ZGRF1: variants seen among roughly 807,000 people sequenced by gnomAD.
ZGRF1 encodes the protein 5'-3' DNA helicase ZGRF1.
In ZGRF1, 196 loss-of-function variants were observed where a neutral mutation model predicts 203.5. That is an observed-to-expected ratio of 0.96 (90% confidence interval 0.86 to 1.08). The LOEUF (loss-of-function observed/expected upper bound fraction) is 1.08, where lower values mean the gene tolerates loss of function less well. Among genes scored for constraint, ZGRF1 ranks in the 50% least tolerant of loss-of-function variants. The pLI is 0.00. For synonymous variants in ZGRF1, 809 were observed against 841.3 expected, an observed-to-expected ratio of 0.96 and a Z score of 0.66; for missense variants, 2,326 against 2,416.3, an observed-to-expected ratio of 0.96 and a Z score of 0.78.
chr4:112,569,535 G>A (rs1471629522), intron 16 of ZGRF1, among the ~76,000 whole-genome samples: 1 of 152,052 alleles, frequency 6.6e-6, no homozygotes, highest in Non-Finnish European at 1.5e-5. Context: ...GGGCAGGGCG[G>A]GCAAGAGTAA....
intron 12 of ZGRF1, among the ~76,000 whole-genome samples, chr4:112,586,922 A>T (rs571071123): frequency 2.6e-5 from 4 of 152,330 alleles, no homozygotes; most frequent in Non-Finnish European, 5.9e-5. Flanking sequence ...ATTAACGTGA[A>T]ATAAGATGCA....
chr4:112,564,849 G>T (rs1742704919), intron 16 of ZGRF1: 4 of 590,616 alleles, frequency 6.8e-6, no homozygotes, highest in South Asian at 2.2e-5. Flanking sequence ...TCCTTCGAAG[G>T]TCACATTATA....
At chr4:112,585,111 T>A (rs922371430) in intron 14 of ZGRF1, among the ~76,000 whole-genome samples, 1 of 152,070 alleles carries the variant, frequency 6.6e-6, no homozygotes, top group African/African-American at 2.4e-5. Context: ...TACAGAAGTA[T>A]GTAAAATTTT....
At chr4:112,589,508 G>C (rs996140489) in intron 11 of ZGRF1, 3 of 544,842 alleles carry the variant, frequency 5.5e-6, no homozygotes, top group African/African-American at 3.8e-5. Flanking sequence ...AAGTTGGGAG[G>C]AGAAACAAGA....
chr4:112,567,986 G>C (rs181922710), intron 16 of ZGRF1, among the ~76,000 whole-genome samples: 145 of 152,030 alleles, frequency 9.5e-4, no homozygotes, highest in South Asian at 2.1e-3. Flanking sequence ...GAAATATTAG[G>C]TTGGAAAAAT....
At position 112,618,078 on chromosome 4, in the gene ZGRF1, TATA is replaced by T. The variant is rs2046944925; in HGVS notation, c.1961_1963del (p.Val654_Tyr655delinsAsp). 3 of 1,613,812 alleles carry T rather than the reference TATA, an allele frequency of 1.9e-6. No homozygotes were observed. Among genetic ancestry groups the T allele is most frequent in the Non-Finnish European group, 2.5e-6 (3 of 1,179,926 alleles). On this transcript the variant is annotated inframe_deletion, in exon 6 of 28. Transcript: ENST00000505019. Reference sequence around the variant, plus strand: ...ATTAGCATCTTCTTTATTATCTCCGTATACAGCATCAGTCCACTTGAAAGATTC... The same window carrying T: ...ATTAGCATCTTCTTTATTATCTCCGTCAGCATCAGTCCACTTGAAAGATTC...
In ZGRF1 at chr4:112,594,262, A is replaced by G. The variant is rs77445685; in HGVS notation, c.2977-4388T>C. Among the ~76,000 whole-genome samples, 1,679 of 152,286 alleles carry G rather than the reference A, an allele frequency of 0.011. 68 individuals are homozygous for G. The East Asian group carries it at 0.14, about 13-fold the overall frequency. On this transcript the variant is annotated intron_variant, in intron 10 of 27. Coordinates refer to ENST00000505019, the MANE Select transcript of ZGRF1 (RefSeq NM_018392.5). ...TCTTCTGACCCACAGAAGGTATTCA[A>G]TAGGTACTTTTGAATTCTTATTTAT...
intron 6 of ZGRF1, 63 bp downstream of exon 6, chr4:112,617,377 T>G: frequency 8.1e-7 from 1 of 1,232,424 alleles, no homozygotes; most frequent in African/African-American, 1.5e-5. Flanking sequence ...AGCTAATATC[T>G]TCTTTCTTTA....
At chr4:112,553,344 G>C (rs1740314357) in intron 22 of ZGRF1, among the ~76,000 whole-genome samples, 1 of 152,086 alleles carries the variant, frequency 6.6e-6, no homozygotes, top group Non-Finnish European at 1.5e-5. Flanking sequence ...GCTTAGTCTT[G>C]GCTTCCAATA....
chr4:112,588,483 T>C (rs1164300262), intron 11 of ZGRF1, among the ~76,000 whole-genome samples: 1 of 152,202 alleles, frequency 6.6e-6, no homozygotes, highest in South Asian at 2.1e-4. Flanking sequence ...AAAAAGATTT[T>C]AGCTTTATTT....
chr4:112,587,854 A>T lies in ZGRF1; in HGVS notation c.3203T>A (p.Leu1068His). 2 of 1,551,412 alleles carry T rather than the reference A, an allele frequency of 1.3e-6. No individual in the cohort carries two copies. Among genetic ancestry groups the T allele is most frequent in the Non-Finnish European group, 1.7e-6 (2 of 1,146,838 alleles). The part of the protein sequence containing the change: ...LSLLSRTQVP[L>H]ITLPRTDGPP... ...CCCATCAGTACGTGGCAAAGTAATA[A>T]GTGGAACCTGGGTTCTACTTAATAA... The change falls in exon 12 of 28, where the codon CTT becomes CAT. Residue 1068 changes from leucine to histidine, a missense_variant. By Grantham distance (99) the Leu-to-His change is moderately conservative. Transcript: ENST00000505019.
At chr4:112,541,391 G>A (rs184954176) in intron 24 of ZGRF1, 123 bp from the exon 25 acceptor site, 10 of 416,276 alleles carry the variant, frequency 2.4e-5, no homozygotes, top group African/African-American at 2.0e-4. Flanking sequence ...TTACAACCAT[G>A]ATAGAATAGA....
At position 112,617,540 on chromosome 4, in the gene ZGRF1, T is replaced by TAGA; in HGVS notation, c.2501_2502insTCT (p.Glu834delinsAspLeu). ...CCAAGCTGTCTAAAGCAGTACTGTG[T>TAGA]TCACATAGCGACTTTAAAATAGAAA... On this transcript the variant is annotated protein_altering_variant, in exon 6 of 28. Coordinates refer to ENST00000505019, the MANE Select transcript of ZGRF1 (RefSeq NM_018392.5). The TAGA allele has an allele frequency of 6.2e-7, 1 of 1,613,560 alleles. No individual in the cohort carries two copies. Among genetic ancestry groups the TAGA allele is most frequent in the South Asian group, 1.1e-5 (1 of 90,920 alleles).
chr4:112,592,231 G>T (rs1283067579), intron 10 of ZGRF1, among the ~76,000 whole-genome samples: 1 of 151,666 alleles, frequency 6.6e-6, no homozygotes, highest in Non-Finnish European at 1.5e-5. Flanking sequence ...CTGAGTAGCT[G>T]GGACTACAGG....
chr4:112,601,797 GGTAA>G (rs1183160359), intron 10 of ZGRF1, among the ~76,000 whole-genome samples: 1 of 152,046 alleles, frequency 6.6e-6, no homozygotes, highest in African/African-American at 2.4e-5. Flanking sequence ...AGAGTGAAAA[GGTAA>G]GTAAGGGTCA....
chr4:112,617,321 G>C (rs925842839), intron 6 of ZGRF1, 119 bp downstream of exon 6: 17 of 674,462 alleles, frequency 2.5e-5, no homozygotes, highest in Non-Finnish European at 3.8e-5. Flanking sequence ...CCAAGTACAT[G>C]TATTACCTAT....
At chr4:112,598,440 T>C (rs1192853273) in intron 10 of ZGRF1, among the ~76,000 whole-genome samples, 1 of 151,746 alleles carries the variant, frequency 6.6e-6, no homozygotes, top group Admixed American at 6.6e-5. Flanking sequence ...TATTAAAACA[T>C]TTATAATAAC....
chr4:112,626,116 T>C (rs367790398), intron 3 of ZGRF1, among the ~76,000 whole-genome samples: 1 of 152,166 alleles, frequency 6.6e-6, no homozygotes, highest in African/African-American at 2.4e-5. Context: ...TACTGAGTAG[T>C]AATTGCCAAT....
intron 6 of ZGRF1, among the ~76,000 whole-genome samples, chr4:112,615,560 C>G (rs1208430010): frequency 6.6e-6 from 1 of 151,438 alleles, no homozygotes; most frequent in Non-Finnish European, 1.5e-5. Flanking sequence ...AATCTCCATG[C>G]TAGAACTTTG....
Sources: gnomAD v4.1 joint callset for allele counts (sites outside exome capture counted in the v4.1 genomes callset) on GRCh38, gnomAD v4.1.1 for gene constraint, MANE v1.5 for transcripts, NCBI Gene and HGNC (gene_info 2026-07-23, HGNC 2026-07-21) for gene names.